The following NGEF variants were observed in gnomAD, a reference collection of about 807,000 sequenced individuals.
The protein encoded by NGEF is ephexin-1.
NGEF carries 31 observed loss-of-function variants against 80.9 expected under a neutral mutation model. That is an observed-to-expected ratio of 0.38 (90% CI 0.29 to 0.52). NGEF has a LOEUF of 0.52. Ranked by LOEUF, NGEF falls within the 20% of genes least tolerant of loss-of-function variation. The pLI is 0.84. For synonymous variants in NGEF, 371 were observed against 370.2 expected (o/e 1.00, Z -0.03); for missense variants, 709 against 926.2 (o/e 0.77, Z 3.04).
chr2:232,880,510 T>C (rs1252757744), intron 14 of NGEF, among the ~76,000 whole-genome samples: 1 of 152,248 alleles, frequency 6.6e-6, no homozygotes, highest in African/African-American at 2.4e-5. Context: ...TGAGGCCTTC[T>C]ACCAGGACCC....
At chr2:232,992,171 C>T (rs954118101) in intron 1 of NGEF, among the ~76,000 whole-genome samples, 2 of 151,970 alleles carry the variant, frequency 1.3e-5, no homozygotes, top group Non-Finnish European at 2.9e-5. Context: ...TAATGGTTTC[C>T]TACATATGAC....
In NGEF at chr2:232,892,811, T is replaced by A; in HGVS notation, c.1142+87A>T. ...CGCAGAGGTAAAGGACCATGAAGTG[T>A]CACCGTGTAAGGAGCCTGGGCCAGC... On this transcript the variant is annotated intron_variant, in intron 7 of 14. Transcript: ENST00000264051. This position sits in a 1 kb window ranked among gnomAD's most constrained non-coding sequence, Gnocchi z 4.0. 1 of 1,414,624 alleles carries A rather than the reference T, an allele frequency of 7.1e-7. No individual in the cohort carries two copies. The highest frequency in any genetic ancestry group is 2.1e-4 in the Middle Eastern group (1 of 4,692). The allele number at this position is 1,414,624 out of a possible 1,614,324, so 87.6% of individuals were successfully genotyped here.
At chr2:232,998,506 C>T (rs1574662678) in intron 1 of NGEF, among the ~76,000 whole-genome samples, 1 of 152,184 alleles carries the variant, frequency 6.6e-6, no homozygotes, top group Admixed American at 6.5e-5. Flanking sequence ...ACAAGGCAAG[C>T]CTGGCTCTCT....
chr2:232,888,559 G>A (rs1022257505), intron 8 of NGEF, among the ~76,000 whole-genome samples: 14 of 149,192 alleles, frequency 9.4e-5, no homozygotes, highest in African/African-American at 3.5e-4. Context: ...ATGCATACCT[G>A]CACACACACA....
chr2:233,004,624 G>A (rs1695050078), intron 1 of NGEF, among the ~76,000 whole-genome samples: 1 of 152,188 alleles, frequency 6.6e-6, no homozygotes, highest in Admixed American at 6.5e-5. Context: ...AACACATAGT[G>A]CATCACGTCA....
intron 2 of NGEF, among the ~76,000 whole-genome samples, chr2:232,970,543 T>G (rs1476522781): frequency 6.6e-6 from 1 of 152,016 alleles, no homozygotes; most frequent in Non-Finnish European, 1.5e-5. Flanking sequence ...AAATTATAAT[T>G]ATGGGCCGAG....
intron 3 of NGEF, among the ~76,000 whole-genome samples, chr2:232,942,624 C>G (rs1289779726): frequency 6.6e-6 from 1 of 152,126 alleles, no homozygotes; most frequent in African/African-American, 2.4e-5. Flanking sequence ...CGCCTGTAAT[C>G]CCAACACTTT....
chr2:232,917,282 T>C (rs913986034), intron 5 of NGEF, among the ~76,000 whole-genome samples: 1 of 152,176 alleles, frequency 6.6e-6, no homozygotes, highest in African/African-American at 2.4e-5. Flanking sequence ...TTAGTCTGCA[T>C]AGGTGTCTAA....
chr2:232,938,495 A>T (rs1693374736), intron 3 of NGEF, among the ~76,000 whole-genome samples: 1 of 152,126 alleles, frequency 6.6e-6, no homozygotes, highest in South Asian at 2.1e-4. Flanking sequence ...CTAACCAAGG[A>T]TCTTAGGATA....
chr2:232,901,502 C>A (rs1471944063), intron 5 of NGEF: 3 of 931,272 alleles, frequency 3.2e-6, no homozygotes, highest in Non-Finnish European at 1.3e-6. Context: ...ACCTTCGATG[C>A]GTTGTTGCAG....
intron 5 of NGEF, among the ~76,000 whole-genome samples, chr2:232,911,751 A>G (rs889597665): frequency 2.6e-5 from 4 of 152,118 alleles, no homozygotes; most frequent in African/African-American, 9.7e-5. Context: ...TAACTATTTC[A>G]TTTTCAGGGC....
At chr2:232,927,807 A>T in intron 3 of NGEF, 1 of 835,198 alleles carries the variant, frequency 1.2e-6, no homozygotes, top group South Asian at 5.2e-5. Context: ...TAGGCCGCGC[A>T]GGGGGTGCCC....
chr2:232,921,112 C>T (rs539213455), intron 4 of NGEF, among the ~76,000 whole-genome samples: 2 of 152,334 alleles, frequency 1.3e-5, no homozygotes, highest in South Asian at 4.1e-4. Context: ...TTCACAGTTG[C>T]AGACTTCACT....
At chr2:232,899,461 C>T (rs992077282) in intron 5 of NGEF, among the ~76,000 whole-genome samples, 2 of 152,220 alleles carry the variant, frequency 1.3e-5, no homozygotes, top group African/African-American at 2.4e-5. Context: ...TTTCTTCAGG[C>T]TCCTCTTTTG....
At chr2:232,970,685 G>A (rs917696728) in intron 2 of NGEF, among the ~76,000 whole-genome samples, 10 of 152,028 alleles carry the variant, frequency 6.6e-5, no homozygotes, top group Admixed American at 1.3e-4. Context: ...TGTGGTAGCG[G>A]ATGCCTGTGA....
At chr2:233,004,642 G>A (rs1008525654) in intron 1 of NGEF, among the ~76,000 whole-genome samples, 1 of 152,150 alleles carries the variant, frequency 6.6e-6, no homozygotes, top group Non-Finnish European at 1.5e-5. Flanking sequence ...TCACACCCAT[G>A]CTCACAACAC....
At chr2:232,948,183 G>GTGTGTA (rs760466573) in intron 3 of NGEF, among the ~76,000 whole-genome samples, 15 of 147,686 alleles carry the variant, frequency 1.0e-4, no homozygotes, top group Admixed American at 2.0e-4. Flanking sequence ...GTGTGTGTGT[G>GTGTGTA]TATATAATTA....
intron 4 of NGEF, among the ~76,000 whole-genome samples, chr2:232,921,190 G>A (rs1015539831): frequency 3.3e-5 from 5 of 152,182 alleles, no homozygotes; most frequent in Non-Finnish European, 5.9e-5. Context: ...CTGAATCAGC[G>A]CAAATGTAGC....
chr2:233,002,678 C>T (rs998804859), intron 1 of NGEF, among the ~76,000 whole-genome samples: 2 of 152,104 alleles, frequency 1.3e-5, no homozygotes, highest in Admixed American at 6.6e-5. Context: ...CACACACACA[C>T]AGAATATTGT....
Sources: gnomAD v4.1 joint callset for allele counts (sites outside exome capture counted in the v4.1 genomes callset) on GRCh38, gnomAD v4.1.1 for gene constraint, Gnocchi (gnomAD v3.1) non-coding constraint, MANE v1.5 for transcripts, NCBI Gene and HGNC (gene_info 2026-07-23, HGNC 2026-07-21) for gene names.